The following NPAS3 variants were observed in gnomAD, a reference collection of about 807,000 sequenced individuals.
NPAS3 encodes the protein neuronal PAS domain protein 3.
A neutral mutation model predicts 73.1 loss-of-function variants in NPAS3; 14 were observed. That is an observed-to-expected ratio of 0.19 (90% CI 0.13 to 0.30). The LOEUF (loss-of-function observed/expected upper bound fraction) is 0.30. NPAS3 is among the 10% of genes least tolerant of loss of function. The probability of loss-of-function intolerance (pLI) is 1.00; values close to 1 mark genes in which losing one functional copy is unlikely to be tolerated. For synonymous variants in NPAS3, 620 were observed against 541.5 expected, an observed-to-expected ratio of 1.14 and a Z score of -2.01; for missense variants, 1,096 against 1,250.0, an observed-to-expected ratio of 0.88 and a Z score of 1.86.
chr14:33,341,949 C>G (rs562671727), intron 3 of NPAS3, among the ~76,000 whole-genome samples: 1 of 152,232 alleles, frequency 6.6e-6, no homozygotes, highest in Admixed American at 6.5e-5. Context: ...TTTCAGTCGT[C>G]GTTTCTGGTT....
chr14:33,070,615 C>T (rs1446443855), intron 2 of NPAS3, among the ~76,000 whole-genome samples: 1 of 152,168 alleles, frequency 6.6e-6, no homozygotes, highest in African/African-American at 2.4e-5. Context: ...AAGTAGCGTA[C>T]AGTCAGAACA....
intron 3 of NPAS3, among the ~76,000 whole-genome samples, chr14:33,302,155 G>T (rs995039808): frequency 1.3e-5 from 2 of 152,170 alleles, no homozygotes; most frequent in Admixed American, 1.3e-4. Flanking sequence ...AACAGAAATA[G>T]GTTCTTGATT....
At chr14:33,218,725 A>T (rs1292648874) in intron 3 of NPAS3, among the ~76,000 whole-genome samples, 1 of 152,212 alleles carries the variant, frequency 6.6e-6, no homozygotes, top group East Asian at 1.9e-4. Flanking sequence ...CATGTTAATA[A>T]TTAAATTTCA....
At chr14:33,415,727 T>A (rs1055230403) in intron 4 of NPAS3, among the ~76,000 whole-genome samples, 1 of 152,130 alleles carries the variant, frequency 6.6e-6, no homozygotes, top group African/African-American at 2.4e-5. Flanking sequence ...TAAAAATTTC[T>A]CAGTCTGCCA....
intron 5 of NPAS3, among the ~76,000 whole-genome samples, chr14:33,651,623 A>G (rs1230313502): frequency 1.3e-5 from 2 of 152,144 alleles, no homozygotes; most frequent in African/African-American, 4.8e-5. Context: ...TCCTTGGTGA[A>G]AGTCAGGAGA....
intron 5 of NPAS3, among the ~76,000 whole-genome samples, chr14:33,627,320 C>G (rs1414261128): frequency 6.6e-6 from 1 of 152,114 alleles, no homozygotes; most frequent in East Asian, 1.9e-4. Context: ...CTGATACCCT[C>G]TTCAGACACA....
rs146045547 is a variant in NPAS3, at chr14:33,623,208, T to A, written c.559-53003T>A. Among the ~76,000 whole-genome samples the A allele has an allele frequency of 8.5e-4, 130 of 152,288 alleles. 1 individual carries two copies. Among genetic ancestry groups the A allele is most frequent in the African/African-American group, 2.9e-3 (122 of 41,572 alleles). Reference sequence around the variant, plus strand: ...AAAAATATTAAGCTCAATATTTTGCTAAAAATACTGGTCATAAAGAAAAGT... The same window carrying A: ...AAAAATATTAAGCTCAATATTTTGCAAAAAATACTGGTCATAAAGAAAAGT... On this transcript the variant is annotated intron_variant, in intron 5 of 11. Transcript: ENST00000356141.
intron 2 of NPAS3, among the ~76,000 whole-genome samples, chr14:33,129,168 A>G (rs1754661206): frequency 6.6e-6 from 1 of 152,284 alleles, no homozygotes; most frequent in African/African-American, 2.4e-5. Context: ...TGATTGAAAC[A>G]AATAATCTGT....
intron 1 of NPAS3, among the ~76,000 whole-genome samples, chr14:33,035,033 C>T (rs2040118964): frequency 6.6e-6 from 1 of 152,172 alleles, no homozygotes; most frequent in Non-Finnish European, 1.5e-5. Flanking sequence ...TCACATACAT[C>T]TGATACATTT....
At chr14:33,732,401 A>G (rs1188604395) in intron 6 of NPAS3, among the ~76,000 whole-genome samples, 2 of 152,210 alleles carry the variant, frequency 1.3e-5, no homozygotes, top group East Asian at 3.9e-4. Context: ...TCACATGCAG[A>G]TAATCTGTCT....
intron 2 of NPAS3, among the ~76,000 whole-genome samples, chr14:33,147,730 A>ATATATATATATAT (rs1555344654): frequency 2.5e-4 from 32 of 130,356 alleles, no homozygotes; most frequent in African/African-American, 1.0e-3. Context: ...TAGAATAAAA[A>ATATATATATATAT]ATATATATAT....
At chr14:33,640,590 G>A (rs1405245838) in intron 5 of NPAS3, among the ~76,000 whole-genome samples, 1 of 152,072 alleles carries the variant, frequency 6.6e-6, no homozygotes, top group African/African-American at 2.4e-5. Flanking sequence ...TATATAAATT[G>A]ATCATGAAAA....
At chr14:33,415,598 A>G (rs936353874) in intron 4 of NPAS3, among the ~76,000 whole-genome samples, 1 of 152,162 alleles carries the variant, frequency 6.6e-6, no homozygotes, top group Non-Finnish European at 1.5e-5. Context: ...TTGAAGACAC[A>G]GACTACAGCA....
At chr14:33,393,456 T>G (rs1422326027) in intron 4 of NPAS3, among the ~76,000 whole-genome samples, 1 of 152,134 alleles carries the variant, frequency 6.6e-6, no homozygotes, top group African/African-American at 2.4e-5. Flanking sequence ...CTTGCTCCAT[T>G]TCTTAGGTCC....
intron 4 of NPAS3, among the ~76,000 whole-genome samples, chr14:33,485,682 C>T (rs955032139): frequency 1.3e-5 from 2 of 152,116 alleles, no homozygotes; most frequent in Non-Finnish European, 2.9e-5. Context: ...CAGTTTTCTA[C>T]GTACTATATA....
chr14:33,316,183 G>T (rs1224883685), intron 3 of NPAS3, among the ~76,000 whole-genome samples: 1 of 152,060 alleles, frequency 6.6e-6, no homozygotes, highest in Non-Finnish European at 1.5e-5. Context: ...ATACATATCA[G>T]TTACCTTAAT....
intron 5 of NPAS3, among the ~76,000 whole-genome samples, chr14:33,675,882 G>A (rs1000118107): frequency 6.6e-6 from 1 of 151,854 alleles, no homozygotes. Flanking sequence ...CACCAAACAC[G>A]CAAGTATTTG....
At chr14:33,054,345 G>A (rs1170099112) in intron 1 of NPAS3, among the ~76,000 whole-genome samples, 2 of 151,998 alleles carry the variant, frequency 1.3e-5, no homozygotes, top group Non-Finnish European at 2.9e-5. Context: ...AGGGGTAAAT[G>A]GTTAATTATA....
At chr14:33,788,074 A>C (rs2063232739) in intron 9 of NPAS3, among the ~76,000 whole-genome samples, 1 of 152,180 alleles carries the variant, frequency 6.6e-6, no homozygotes, top group Non-Finnish European at 1.5e-5. Flanking sequence ...ATTCTTTTTC[A>C]TGTTTCATCT....
Sources: allele counts gnomAD v4.1 joint callset (sites outside exome capture counted in the v4.1 genomes callset), GRCh38; gene constraint gnomAD v4.1.1; transcripts MANE v1.5; gene names NCBI Gene and HGNC (gene_info 2026-07-23, HGNC 2026-07-21).